Variants in CRB1 observed in about 807,000 individuals in gnomAD.
The protein encoded by CRB1 is protein crumbs homolog 1.
Under a neutral mutation model 120.0 loss-of-function variants are expected in CRB1, and 83 were observed. The observed-to-expected ratio is 0.69, with a 90% CI of 0.58 to 0.83. CRB1 has a LOEUF of 0.83. CRB1 is among the 40% of genes least tolerant of loss of function. The pLI, the probability that CRB1 is intolerant of heterozygous loss-of-function variation, is 0.00. For synonymous variants in CRB1, 625 were observed against 612.5 expected (o/e 1.02, Z -0.30); for missense variants, 1,699 against 1,687.6 (o/e 1.01, Z -0.12).
At chr1:197,264,005 G>A (rs1378074226), upstream of CRB1, among the ~76,000 whole-genome samples, 1 of 151,824 alleles carries the variant, frequency 6.6e-6, no homozygotes, top group East Asian at 1.9e-4. Flanking sequence ...GTATTTAAAA[G>A]GCACAAGTGC....
At chr1:197,457,550 T>G (rs193031217) in intron 11 of CRB1, among the ~76,000 whole-genome samples, 1 of 152,266 alleles carries the variant, frequency 6.6e-6, no homozygotes, top group East Asian at 1.9e-4. Flanking sequence ...CTTGTTTATC[T>G]TTATAACTTC....
At chr1:197,374,077 C>G (rs1661515404) in intron 5 of CRB1, among the ~76,000 whole-genome samples, 1 of 152,094 alleles carries the variant, frequency 6.6e-6, no homozygotes, top group Non-Finnish European at 1.5e-5. Flanking sequence ...CAGGAGTCTC[C>G]TTTGGTATGC....
chr1:197,458,312 AT>A (rs1036812468), intron 11 of CRB1, among the ~76,000 whole-genome samples: 4 of 152,014 alleles, frequency 2.6e-5, no homozygotes, highest in African/African-American at 9.7e-5. Context: ...ATGGATGAAG[AT>A]TTCTGCATTT....
chr1:197,371,846 T>G (rs938459146), intron 5 of CRB1, among the ~76,000 whole-genome samples: 1 of 152,092 alleles, frequency 6.6e-6, no homozygotes, highest in African/African-American at 2.4e-5. Flanking sequence ...AGGGAGACAT[T>G]ACTTCATTCT....
chr1:197,477,564 C>G (rs531768557), intron 11 of CRB1, 100 bp from the exon 12 acceptor site: 2 of 1,031,082 alleles, frequency 1.9e-6, no homozygotes, highest in Non-Finnish European at 3.0e-6. Flanking sequence ...GTGGTACCAG[C>G]TTGCTCTGGT....
At chr1:197,303,238 C>A (rs1028728682) in intron 1 of CRB1, among the ~76,000 whole-genome samples, 1 of 148,506 alleles carries the variant, frequency 6.7e-6, no homozygotes, top group African/African-American at 2.5e-5. Flanking sequence ...CCCATTAACT[C>A]GTCATTTAGC....
intron 5 of CRB1, among the ~76,000 whole-genome samples, chr1:197,411,165 A>G (rs1291921251): frequency 6.6e-6 from 1 of 152,148 alleles, no homozygotes; most frequent in Non-Finnish European, 1.5e-5. Flanking sequence ...AGCTTTCTTT[A>G]TTGGAGTGTC....
At chr1:197,253,576 A>G in the CRB1 span, among the ~76,000 whole-genome samples, 94 of 152,218 alleles carry the variant, frequency 6.2e-4, no homozygotes, top group African/African-American at 2.2e-3. Context: ...TAATGCTACA[A>G]CAAAGAAATT....
Position 197,313,323 on chromosome 1 carries a change from C to G in CRB1, c.71-15099C>G, listed in dbSNP as rs565573609. On this transcript the variant is annotated intron_variant, in intron 1 of 11. Transcript: ENST00000367400. ...TAAGATTTGGGTGGGGACACAGAGCCAAACCATACTGTTGTACACATTTTT... is the reference window on the plus strand; with the variant it reads ...TAAGATTTGGGTGGGGACACAGAGCGAAACCATACTGTTGTACACATTTTT... 2.9e-3 allele frequency among the ~76,000 whole-genome samples: 434 copies of G among 152,224 alleles called. 1 individual carries two copies. The highest frequency in any genetic ancestry group is 5.1e-3 in the Non-Finnish European group (348 of 68,004).
the CRB1 span, among the ~76,000 whole-genome samples, chr1:197,247,230 A>G: frequency 6.6e-6 from 1 of 151,972 alleles, no homozygotes; most frequent in Non-Finnish European, 1.5e-5. Flanking sequence ...ACTGTTATGT[A>G]TTTTTTCTAC....
At chr1:197,212,972 T>C in the CRB1 span, among the ~76,000 whole-genome samples, 4 of 152,080 alleles carry the variant, frequency 2.6e-5, no homozygotes, top group Non-Finnish European at 4.4e-5. Context: ...CATATAAACT[T>C]CTCAACAGAT....
At chr1:197,239,133 G>A in the CRB1 span, among the ~76,000 whole-genome samples, 12 of 151,918 alleles carry the variant, frequency 7.9e-5, no homozygotes, top group Non-Finnish European at 1.6e-4. Flanking sequence ...TTATGGCTCA[G>A]GTTATAGTCT....
chr1:197,395,314 C>T (rs1227330272), intron 5 of CRB1, among the ~76,000 whole-genome samples: 1 of 152,080 alleles, frequency 6.6e-6, no homozygotes, highest in Non-Finnish European at 1.5e-5. Flanking sequence ...AAGTAATGTA[C>T]ATAATATCTG....
intron 5 of CRB1, among the ~76,000 whole-genome samples, chr1:197,396,510 A>G (rs946664773): frequency 6.6e-6 from 1 of 152,120 alleles, no homozygotes; most frequent in African/African-American, 2.4e-5. Context: ...AGGAAATAAA[A>G]CAATAAAAAC....
the CRB1 span, among the ~76,000 whole-genome samples, chr1:197,236,752 GT>G: frequency 6.6e-6 from 1 of 152,072 alleles, no homozygotes; most frequent in East Asian, 1.9e-4. Context: ...TTTTCAAAGG[GT>G]TTTTCTGCAT....
chr1:197,453,836 A>G (rs1666116373), intron 11 of CRB1, among the ~76,000 whole-genome samples: 2 of 142,606 alleles, frequency 1.4e-5, no homozygotes, highest in Admixed American at 1.5e-4. Flanking sequence ...TTATTAATAT[A>G]TTATCAATAT....
the CRB1 span, among the ~76,000 whole-genome samples, chr1:197,245,882 A>C: frequency 5.3e-5 from 8 of 152,128 alleles, no homozygotes; most frequent in African/African-American, 1.4e-4. Context: ...TTTCTTGATG[A>C]GAGAAAAAGG....
chr1:197,427,665 C>G lies in CRB1; in HGVS notation c.2340C>G (p.Pro780=). The change falls in exon 7 of 12, where the codon CCC becomes CCG. Residue 780 remains proline (P), a synonymous_variant. Transcript: ENST00000367400. The part of the protein sequence containing the change: ...GRLAMLTPNS[P]KLVVKFVLND... ...TAGCAATGCTGACTCCAAACTCTCC[C>G]AAATTAGTAGTAAAATTTGTTCTTA... 1 of 1,613,860 alleles carries G rather than the reference C, an allele frequency of 6.2e-7. No individual in the cohort carries two copies. The highest frequency in any genetic ancestry group is 8.5e-7 in the Non-Finnish European group (1 of 1,179,916).
At chr1:197,316,035 C>T (rs1657817580) in intron 1 of CRB1, among the ~76,000 whole-genome samples, 1 of 152,150 alleles carries the variant, frequency 6.6e-6, no homozygotes, top group Admixed American at 6.5e-5. Context: ...ATCATTGCTA[C>T]AGGTTTTGGT....
Sources: gnomAD v4.1 joint callset for allele counts (sites outside exome capture counted in the v4.1 genomes callset) on GRCh38, gnomAD v4.1.1 for gene constraint, MANE v1.5 for transcripts, NCBI Gene and HGNC (gene_info 2026-07-23, HGNC 2026-07-21) for gene names.